CUX2: variants seen among roughly 807,000 people sequenced by gnomAD.
CUX2 encodes cut like homeobox 2.
A neutral mutation model predicts 144.8 loss-of-function variants in CUX2; 40 were observed. That is an observed-to-expected ratio of 0.28 (90% CI 0.21 to 0.36). The LOEUF is 0.36. Ranked by LOEUF, CUX2 falls within the 10% of genes least tolerant of loss-of-function variation. CUX2 has a pLI of 1.00. For synonymous variants in CUX2, 827 were observed against 875.6 expected, an observed-to-expected ratio of 0.94 and a Z score of 0.98; for missense variants, 1,615 against 1,994.0, an observed-to-expected ratio of 0.81 and a Z score of 3.62.
At chr12:111,092,237 C>T (rs1024741615) in intron 1 of CUX2, among the ~76,000 whole-genome samples, 13 of 152,120 alleles carry the variant, frequency 8.5e-5, no homozygotes, top group Admixed American at 6.5e-4. Flanking sequence ...CTCCCCCATC[C>T]GCAGGCAGGA....
intron 1 of CUX2, among the ~76,000 whole-genome samples, chr12:111,169,797 C>T (rs781623902): frequency 1.3e-5 from 2 of 152,160 alleles, no homozygotes; most frequent in Non-Finnish European, 2.9e-5. Context: ...CCTGAGTACA[C>T]GCCTTATGTA....
chr12:111,115,829 C>A (rs1350265259), intron 1 of CUX2, among the ~76,000 whole-genome samples: 1 of 152,122 alleles, frequency 6.6e-6, no homozygotes, highest in Non-Finnish European at 1.5e-5. Context: ...CCCACTAGAC[C>A]ATAAGTTCCA....
chr12:111,303,857 ACCTGCCAGTC>A (rs1886442128), intron 9 of CUX2, among the ~76,000 whole-genome samples: 2 of 151,916 alleles, frequency 1.3e-5, no homozygotes, highest in Non-Finnish European at 2.9e-5. Context: ...ATGTGTGAAA[ACCTGCCAGTC>A]CCACCCAGAG....
intron 18 of CUX2, among the ~76,000 whole-genome samples, chr12:111,323,193 G>A (rs1887619689): frequency 1.3e-5 from 2 of 152,210 alleles, no homozygotes; most frequent in Admixed American, 1.3e-4. Context: ...CTGGAATGAG[G>A]GCACGTGACT....
At chr12:111,116,052 C>T (rs1474381507) in intron 1 of CUX2, among the ~76,000 whole-genome samples, 2 of 152,220 alleles carry the variant, frequency 1.3e-5, no homozygotes, top group African/African-American at 4.8e-5. Context: ...TCACCCCTTT[C>T]TTGGCCTTCT....
At position 111,287,720 on chromosome 12, in the gene CUX2, C is replaced by T. The variant is rs1227002057; in HGVS notation, c.302-3698C>T. Among the ~76,000 whole-genome samples, 1 of 152,230 alleles carries T rather than the reference C, an allele frequency of 6.6e-6. No individual in the cohort carries two copies. Among genetic ancestry groups the T allele is most frequent in the Admixed American group, 6.5e-5 (1 of 15,288 alleles). The stretch of plus-strand genomic sequence containing the variant: ...CAGATGAAAGCCACCGCCGCCTTCC[C>T]GCGCACCTGCTTACCTCGGCATGGA... On this transcript the variant is annotated intron_variant, in intron 4 of 21. Transcript: ENST00000261726. This position sits in a 1 kb window ranked among gnomAD's most constrained non-coding sequence, Gnocchi z 4.2.
At chr12:111,323,365 G>A (rs898984190) in intron 18 of CUX2, among the ~76,000 whole-genome samples, 7 of 152,216 alleles carry the variant, frequency 4.6e-5, no homozygotes, top group Non-Finnish European at 1.5e-5. Flanking sequence ...ACAGGAATAT[G>A]GACTGGAAAC....
intron 2 of CUX2, among the ~76,000 whole-genome samples, chr12:111,214,654 T>C (rs1881430792): frequency 6.6e-6 from 1 of 152,142 alleles, no homozygotes; most frequent in African/African-American, 2.4e-5. Flanking sequence ...GCTTTCCCGT[T>C]GGCGTCTGGA....
At chr12:111,198,586 C>A (rs1446477116) in intron 1 of CUX2, among the ~76,000 whole-genome samples, 6 of 152,110 alleles carry the variant, frequency 3.9e-5, no homozygotes, top group Admixed American at 3.9e-4. Flanking sequence ...GAGCTTTAGT[C>A]CTAGGAAGGA....
chr12:111,061,928 C>T lies in CUX2; in HGVS notation c.63+27688C>T, dbSNP rs996648773. Among the ~76,000 whole-genome samples, 83 of 152,286 alleles carry T rather than the reference C, an allele frequency of 5.5e-4. No homozygotes were observed. The highest frequency in any genetic ancestry group is 1.8e-3 in the African/African-American group (74 of 41,564). ...TCTGCCCCTGCCAATAAGACTTCAG[C>T]GCGTGCACTCCATCTGTGCCTCAGC... On this transcript the variant is annotated intron_variant, in intron 1 of 21. Coordinates refer to ENST00000261726, the MANE Select transcript of CUX2 (RefSeq NM_015267.4). The surrounding 1 kb of genome is among the most constrained non-coding windows in gnomAD (Gnocchi z 4.2).
In CUX2 at chr12:111,339,172, C is replaced by T. The variant is rs535766805; in HGVS notation, c.3385+698C>T. On this transcript the variant is annotated intron_variant, in intron 20 of 21. Coordinates refer to ENST00000261726, the MANE Select transcript of CUX2 (RefSeq NM_015267.4). ...ACTTGAACCTAGGAGGTGGAGGTTG[C>T]GGTGAGCTGAGATCACGCCACTGCA... Among the ~76,000 whole-genome samples, 7 of 150,888 alleles carry T rather than the reference C, an allele frequency of 4.6e-5. No individual in the cohort carries two copies. The South Asian group carries it at 1.5e-3, about 32-fold the overall frequency.
At chr12:111,302,293 T>C (rs920167393) in intron 9 of CUX2, among the ~76,000 whole-genome samples, 1 of 152,178 alleles carries the variant, frequency 6.6e-6, no homozygotes, top group Non-Finnish European at 1.5e-5. Flanking sequence ...TCAAGTAATA[T>C]ACCCTCATGA....
intron 1 of CUX2, among the ~76,000 whole-genome samples, chr12:111,112,571 G>A (rs548733669): frequency 1.3e-5 from 2 of 152,136 alleles, no homozygotes; most frequent in South Asian, 2.1e-4. Flanking sequence ...AGGGGGACGT[G>A]GGGGGAACTT....
chr12:111,219,245 T>C (rs1396019680), intron 3 of CUX2, among the ~76,000 whole-genome samples: 1 of 152,214 alleles, frequency 6.6e-6, no homozygotes, highest in Non-Finnish European at 1.5e-5. Context: ...CCTAGTTGAC[T>C]GATGTGCTTA....
intron 1 of CUX2, among the ~76,000 whole-genome samples, chr12:111,138,847 T>C (rs961738029): frequency 3.3e-5 from 5 of 152,042 alleles, no homozygotes; most frequent in Non-Finnish European, 7.4e-5. Flanking sequence ...AAGTTGGGAC[T>C]GCACTATGGT....
chr12:111,093,539 T>C lies in CUX2; in HGVS notation c.63+59299T>C, dbSNP rs114722682. On this transcript the variant is annotated intron_variant, in intron 1 of 21. Coordinates refer to ENST00000261726, the MANE Select transcript of CUX2 (RefSeq NM_015267.4). ...GAGAAAGTAAAAATAACCCAACGCC[T>C]GAGTCACTGAAGTCACTGAACTCAG... Among the ~76,000 whole-genome samples, 131 of 150,722 alleles carry C rather than the reference T, an allele frequency of 8.7e-4. 1 individual carries two copies. Among genetic ancestry groups the C allele is most frequent in the African/African-American group, 3.1e-3 (128 of 41,184 alleles).
At chr12:111,301,809 A>C (rs2136352554) in intron 9 of CUX2, among the ~76,000 whole-genome samples, 1 of 152,236 alleles carries the variant, frequency 6.6e-6, no homozygotes, top group Middle Eastern at 3.4e-3. Flanking sequence ...TTGCTTTAAA[A>C]CCCAGCTTTA....
At chr12:111,275,720 C>T (rs1884841929) in intron 4 of CUX2, among the ~76,000 whole-genome samples, 1 of 152,118 alleles carries the variant, frequency 6.6e-6, no homozygotes, top group Admixed American at 6.5e-5. Context: ...GTACCCGGAC[C>T]CAAGACTGAA....
intron 1 of CUX2, among the ~76,000 whole-genome samples, chr12:111,113,161 G>C (rs1874079769): frequency 1.3e-5 from 2 of 152,134 alleles, no homozygotes; most frequent in Admixed American, 1.3e-4. Flanking sequence ...GGGGAGCCGG[G>C]AGGGGTAGAG....
Sources: gnomAD v4.1 joint callset for allele counts (sites outside exome capture counted in the v4.1 genomes callset) on GRCh38, gnomAD v4.1.1 for gene constraint, Gnocchi (gnomAD v3.1) non-coding constraint, MANE v1.5 for transcripts, NCBI Gene and HGNC (gene_info 2026-07-23, HGNC 2026-07-21) for gene names.